Variants in SEMA3A observed in about 807,000 individuals in gnomAD.
SEMA3A encodes the protein semaphorin-3A.
A neutral mutation model predicts 97.9 loss-of-function variants in SEMA3A; 29 were observed. That is an observed-to-expected ratio of 0.30 (90% confidence interval 0.22 to 0.40). SEMA3A has a LOEUF of 0.40. Among genes scored for constraint, SEMA3A ranks in the 10% least tolerant of loss-of-function variants. The pLI, the probability that SEMA3A is intolerant of heterozygous loss-of-function variation, is 1.00. For synonymous variants in SEMA3A, 321 were observed against 323.7 expected (o/e 0.99, Z 0.09); for missense variants, 763 against 951.3 (o/e 0.80, Z 2.60).
chr7:84,156,317 C>A (rs1796844560), intron 1 of SEMA3A, among the ~76,000 whole-genome samples: 2 of 152,070 alleles, frequency 1.3e-5, no homozygotes, highest in African/African-American at 2.4e-5. Flanking sequence ...TTTGAAGTCT[C>A]CACTGGTGTA....
intron 1 of SEMA3A, among the ~76,000 whole-genome samples, chr7:84,431,669 T>A (rs1584320882): frequency 6.6e-6 from 1 of 151,968 alleles, no homozygotes; most frequent in Non-Finnish European, 1.5e-5. Flanking sequence ...TTTAAAAAAA[T>A]AATTTGATCT....
At chr7:84,000,609 A>G (rs2116383022) in intron 12 of SEMA3A, among the ~76,000 whole-genome samples, 1 of 152,170 alleles carries the variant, frequency 6.6e-6, no homozygotes, top group African/African-American at 2.4e-5. Context: ...TCATTGTTTT[A>G]CTGATGGTGG....
chr7:84,199,139 A>G (rs1040266771), upstream of SEMA3A, among the ~76,000 whole-genome samples: 8 of 152,306 alleles, frequency 5.3e-5, no homozygotes, highest in African/African-American at 1.9e-4. Flanking sequence ...CCTTGGTTAT[A>G]CATACCCTGA....
At chr7:84,068,977 C>G (rs1213627945) in intron 4 of SEMA3A, among the ~76,000 whole-genome samples, 1 of 152,012 alleles carries the variant, frequency 6.6e-6, no homozygotes, top group Non-Finnish European at 1.5e-5. Context: ...AATATGTTTC[C>G]TTTTAATGTA....
intron 3 of SEMA3A, among the ~76,000 whole-genome samples, chr7:84,207,887 A>G (rs1384253916): frequency 1.3e-5 from 2 of 152,198 alleles, no homozygotes; most frequent in Admixed American, 6.5e-5. Flanking sequence ...ACCCTAAAAC[A>G]GTGAGACAGT....
chr7:84,088,311 G>A (rs1162227011), intron 4 of SEMA3A, among the ~76,000 whole-genome samples: 1 of 152,030 alleles, frequency 6.6e-6, no homozygotes, highest in African/African-American at 2.4e-5. Flanking sequence ...AAAATTAGCT[G>A]GGCATGGTGG....
chr7:84,046,394 A>T lies in SEMA3A; in HGVS notation c.597T>A (p.Phe199Leu). 6.2e-7 allele frequency: 1 copy of T among 1,613,262 alleles called. No homozygotes were observed. Among genetic ancestry groups the T allele is most frequent in the Non-Finnish European group, 8.5e-7 (1 of 1,179,418 alleles). Residue 199 changes from phenylalanine (F) to leucine (L), a missense_variant, in exon 6 of 17, where the codon TTT becomes TTA. By Grantham distance (22) the Phe-to-Leu change is conservative. Coordinates refer to ENST00000265362, the MANE Select transcript of SEMA3A (RefSeq NM_006080.3). ...GTAADFMGRD[F>L]AIFRTLGHHH... ...GGTGCCCAAGAGTTCGGAAGATAGCAAAGTCTCGCCCCATAAAATCAGCTG... is the reference window on the plus strand; with the variant it reads ...GGTGCCCAAGAGTTCGGAAGATAGCTAAGTCTCGCCCCATAAAATCAGCTG...
intron 15 of SEMA3A, among the ~76,000 whole-genome samples, chr7:83,964,884 CT>C (rs1788609052): frequency 6.6e-6 from 1 of 151,700 alleles, no homozygotes; most frequent in African/African-American, 2.4e-5. Context: ...ATTAGTGCGT[CT>C]TGAATTGAAT....
chr7:83,980,979 G>C (rs1377653637), intron 14 of SEMA3A, among the ~76,000 whole-genome samples: 1 of 151,986 alleles, frequency 6.6e-6, no homozygotes, highest in Non-Finnish European at 1.5e-5. Context: ...ATCATTTTCT[G>C]TTCATCCAGA....
At position 84,110,981 on chromosome 7, in the gene SEMA3A, A is replaced by T. The variant is rs557898624; in HGVS notation, c.334-392T>A. On this transcript the variant is annotated intron_variant, in intron 3 of 16. Coordinates refer to ENST00000265362, the MANE Select transcript of SEMA3A (RefSeq NM_006080.3). ...ATTAATCAAACAAAATGATGGGGAAAATTTACTTGCAAAAATCAGTTTTCA... is the reference window on the plus strand; with the variant it reads ...ATTAATCAAACAAAATGATGGGGAATATTTACTTGCAAAAATCAGTTTTCA... Among the ~76,000 whole-genome samples the T allele has an allele frequency of 3.9e-5, 6 of 152,266 alleles. No individual in the cohort carries two copies. The East Asian group carries it at 5.8e-4, about 15-fold the overall frequency.
At chr7:84,480,860 G>A (rs376102082) in intron 1 of SEMA3A, among the ~76,000 whole-genome samples, 34 of 152,056 alleles carry the variant, frequency 2.2e-4, no homozygotes, top group African/African-American at 8.2e-4. Flanking sequence ...TTTGACTTAG[G>A]AATTAGTGGG....
intron 1 of SEMA3A, among the ~76,000 whole-genome samples, chr7:84,388,965 A>G (rs1001105424): frequency 6.6e-6 from 1 of 152,090 alleles, no homozygotes; most frequent in African/African-American, 2.4e-5. Flanking sequence ...GTAGCAATCT[A>G]GAGTATCAAA....
At chr7:84,025,632 T>C (rs1485340899) in intron 6 of SEMA3A, among the ~76,000 whole-genome samples, 1 of 79,626 alleles carries the variant, frequency 1.3e-5, no homozygotes, top group East Asian at 4.1e-4. Flanking sequence ...GCCTTTGGGA[T>C]AGTTTAACCC....
intron 4 of SEMA3A, 115 bp from the exon 5 acceptor site, chr7:84,060,673 T>C: frequency 1.6e-6 from 1 of 617,074 alleles, no homozygotes; most frequent in Non-Finnish European, 2.6e-6. Flanking sequence ...ACAAGAGTTA[T>C]TTTTATTTGT....
rs75810685 is a variant in SEMA3A, at chr7:84,303,858, G to A, written c.-83+3349C>T. On this transcript the variant is annotated intron_variant, in intron 3 of 3. Coordinates refer to the SEMA3A transcript ENST00000424555. ...CTGTGCTGCCATGTTTGGTAGGTTA[G>A]TTGTATTAAATGCGTTTTCGACTTA... 5.6e-3 allele frequency among the ~76,000 whole-genome samples: 855 copies of A among 152,266 alleles called. 37 individuals are homozygous for A. In the East Asian group the frequency reaches 0.11, roughly 19 times the overall value.
intron 2 of SEMA3A, among the ~76,000 whole-genome samples, chr7:84,352,852 T>A (rs1490806356): frequency 6.6e-6 from 1 of 151,862 alleles, no homozygotes; most frequent in Non-Finnish European, 1.5e-5. Flanking sequence ...CATCCACAAC[T>A]ATTTATTGAG....
intron 12 of SEMA3A, among the ~76,000 whole-genome samples, chr7:84,001,678 T>TTATA (rs150026787): frequency 6.6e-6 from 1 of 151,420 alleles, no homozygotes; most frequent in East Asian, 1.9e-4. Context: ...TTGAGGTAAC[T>TTATA]TAAATAATAT....
At chr7:84,217,073 G>A (rs1403607759) in intron 3 of SEMA3A, among the ~76,000 whole-genome samples, 1 of 152,132 alleles carries the variant, frequency 6.6e-6, no homozygotes, top group African/African-American at 2.4e-5. Context: ...GGAGCAAATA[G>A]CCAACTATTC....
chr7:84,044,583 G>A (rs1159072035), intron 6 of SEMA3A, among the ~76,000 whole-genome samples: 1 of 152,002 alleles, frequency 6.6e-6, no homozygotes, highest in Non-Finnish European at 1.5e-5. Flanking sequence ...TACTGCAAGA[G>A]ACATTGTCAA....
Sources: allele counts gnomAD v4.1 joint callset (sites outside exome capture counted in the v4.1 genomes callset), GRCh38; gene constraint gnomAD v4.1.1; transcripts MANE v1.5; gene names NCBI Gene and HGNC (gene_info 2026-07-23, HGNC 2026-07-21).